Variants in CNOT1 observed in about 807,000 individuals in gnomAD.
The protein encoded by CNOT1 is CCR4-associated factor 1.
Under a neutral mutation model 273.8 loss-of-function variants are expected in CNOT1, and 15 were observed. The ratio of observed to expected loss-of-function variants is 0.05; its 90% CI spans 0.04 to 0.08. The LOEUF (loss-of-function observed/expected upper bound fraction) is 0.08, where lower values mean the gene tolerates loss of function less well. CNOT1 is among the 10% of genes least tolerant of loss of function. The pLI, the probability that CNOT1 is intolerant of heterozygous loss-of-function variation, is 1.00. For synonymous variants in CNOT1, 1,022 were observed against 1,005.5 expected, an observed-to-expected ratio of 1.02 and a Z score of -0.31; for missense variants, 1,644 against 2,912.2, an observed-to-expected ratio of 0.56 and a Z score of 10.02.
intron 3 of CNOT1, among the ~76,000 whole-genome samples, chr16:58,588,213 C>A (rs547268805): frequency 4.6e-5 from 7 of 152,008 alleles, no homozygotes; most frequent in African/African-American, 1.7e-4. Flanking sequence ...GCAGGAGAAT[C>A]GCTTGAACCC....
At chr16:58,578,385 T>A (rs1317313300) in intron 13 of CNOT1, among the ~76,000 whole-genome samples, 1 of 144,038 alleles carries the variant, frequency 6.9e-6, no homozygotes, top group Non-Finnish European at 1.5e-5. Context: ...ACCCAGGAGA[T>A]GGAGGTTGCA....
chr16:58,560,301 T>C lies in CNOT1; in HGVS notation c.2041A>G (p.Met681Val). 6.2e-7 allele frequency: 1 copy of C among 1,614,192 alleles called. No homozygotes were observed. Among genetic ancestry groups the C allele is most frequent in the Non-Finnish European group, 8.5e-7 (1 of 1,180,038 alleles). ...LTMVANCSNVMNKARQPPPGV... is the reference protein window; with the variant it reads ...LTMVANCSNVVNKARQPPPGV... ...GGTGGTGGTTGTCTGGCCTTATTCA[T>C]AACATTACTGCAATTGGCTACCATG... The change falls in exon 17 of 49, where the codon ATG becomes GTG. Residue 681 changes from methionine to valine, a missense_variant. Met to Val is a conservative substitution (Grantham distance 21). Around this residue, in one of 13 missense-constraint regions of CNOT1, gnomAD observed 706 missense variants for 1,021.2 expected, o/e 0.69. Transcript: ENST00000317147.
chr16:58,623,608 T>A (rs908716814), intron 1 of CNOT1, among the ~76,000 whole-genome samples: 2 of 152,202 alleles, frequency 1.3e-5, no homozygotes, highest in East Asian at 1.9e-4. Context: ...AGGCACAGTG[T>A]AGCCAGGGGA....
At chr16:58,556,727 A>T in intron 19 of CNOT1, 120 bp downstream of exon 19, 1 of 1,416,978 alleles carries the variant, frequency 7.1e-7, no homozygotes, top group Non-Finnish European at 9.2e-7. Flanking sequence ...CAAATTTGTG[A>T]ATTTATTCCC....
intron 8 of CNOT1, 26 bp downstream of exon 8, chr16:58,585,310 CAG>C (rs1337146622): frequency 3.0e-5 from 49 of 1,611,164 alleles, no homozygotes; most frequent in Non-Finnish European, 4.1e-5. Context: ...CAAGAATAAT[CAG>C]AAGCTTAACA....
chr16:58,532,585 G>A, intron 40 of CNOT1, 190 bp from the exon 41 acceptor site: 1 of 1,004,840 alleles, frequency 1.0e-6, no homozygotes. Flanking sequence ...TCAGTGTTTT[G>A]TGTGTTTCTT....
rs2042387280 is a variant in CNOT1 at position 58,599,455 on chromosome 16, TATA to T, written c.-121_-119del. The T allele has an allele frequency of 1.6e-6, 2 of 1,234,662 alleles. No homozygotes were observed. The highest frequency in any genetic ancestry group is 4.9e-5 in the East Asian group (2 of 40,508). The allele number at this position is 1,234,662 out of a possible 1,614,324, so 76.5% of individuals were successfully genotyped here. ...GTAATTAGGCTATATCTGGTATCTG[TATA>T]ATATCTTCAGTTCTTCTTTACCAGG... On this transcript the variant is annotated 5_prime_UTR_variant, in exon 2 of 49. Transcript: ENST00000317147.
chr16:58,532,625 A>G, intron 40 of CNOT1: 1 of 626,370 alleles, frequency 1.6e-6, no homozygotes, highest in Non-Finnish European at 2.5e-6. Flanking sequence ...ACCACACCTG[A>G]ATATTCTCCA....
intron 16 of CNOT1, among the ~76,000 whole-genome samples, chr16:58,573,348 C>T (rs1435598186): frequency 6.6e-6 from 1 of 151,562 alleles, no homozygotes; most frequent in Non-Finnish European, 1.5e-5. Flanking sequence ...AAATTAAAGA[C>T]CTAAATAAGT....
At position 58,546,333 on chromosome 16, in the gene CNOT1, T is replaced by A; in HGVS notation, c.3994A>T (p.Ile1332Phe). The change falls in exon 29 of 49, where the codon ATC (isoleucine) becomes TTC (phenylalanine). Residue 1332 changes from isoleucine (I) to phenylalanine (F), a missense_variant. Physicochemically the swap from Ile to Phe is conservative, Grantham distance 21. Transcript: ENST00000317147. Reference sequence around the variant, plus strand: ...TTAGCACACTTACTTGTGGTTGTGATGGGAGGGAGTTCTTCTGGCTGCTTG... The same window carrying A: ...TTAGCACACTTACTTGTGGTTGTGAAGGGAGGGAGTTCTTCTGGCTGCTTG... ...DVKQPEELPP[I>F]TTTTTSTTPA... 6.2e-7 allele frequency: 1 copy of A among 1,613,506 alleles called. No individual in the cohort carries two copies.
chr16:58,569,087 A>C (rs1007676438), intron 16 of CNOT1, among the ~76,000 whole-genome samples: 3 of 152,216 alleles, frequency 2.0e-5, no homozygotes, highest in African/African-American at 7.2e-5. Flanking sequence ...CTTACTAGAC[A>C]AGGAATTCAA....
intron 1 of CNOT1, among the ~76,000 whole-genome samples, chr16:58,627,109 T>A (rs2043615917): frequency 6.6e-6 from 1 of 151,812 alleles, no homozygotes; most frequent in Non-Finnish European, 1.5e-5. Context: ...TTCAAACTGG[T>A]TAAAAAGAAA....
At chr16:58,551,918 C>G in intron 22 of CNOT1, 99 bp from the exon 23 acceptor site, 2 of 1,491,972 alleles carry the variant, frequency 1.3e-6, no homozygotes, top group Non-Finnish European at 1.8e-6. Context: ...TCTGAGTGCT[C>G]TTTTGGTTCA....
At chr16:58,619,180 AAC>A (rs1476858516) in intron 1 of CNOT1, among the ~76,000 whole-genome samples, 2 of 152,104 alleles carry the variant, frequency 1.3e-5, no homozygotes, top group Admixed American at 6.6e-5. Context: ...CAGCCTGGGC[AAC>A]AGAGACCCTG....
intron 47 of CNOT1, 51 bp downstream of exon 47, chr16:58,523,319 G>GA (rs2039475418): frequency 6.7e-7 from 1 of 1,493,748 alleles, no homozygotes; most frequent in Non-Finnish European, 9.0e-7. Flanking sequence ...AAAAAAAGAT[G>GA]AAAGGGAGGA....
intron 1 of CNOT1, among the ~76,000 whole-genome samples, chr16:58,608,309 C>T (rs1376947735): frequency 6.6e-6 from 1 of 152,034 alleles, no homozygotes; most frequent in Non-Finnish European, 1.5e-5. Flanking sequence ...AATCCCAGTA[C>T]TATGGGAGAC....
chr16:58,534,542 G>T, intron 39 of CNOT1, 147 bp from the exon 40 acceptor site: 1 of 1,021,264 alleles, frequency 9.8e-7, no homozygotes, highest in Non-Finnish European at 1.4e-6. Context: ...TGTATTATCA[G>T]AATTATTTTC....
intron 1 of CNOT1, among the ~76,000 whole-genome samples, chr16:58,608,448 G>A (rs1228059760): frequency 1.3e-5 from 2 of 151,786 alleles, no homozygotes; most frequent in East Asian, 1.9e-4. Flanking sequence ...CCAGCTACTC[G>A]GGAAGCTGAG....
chr16:58,617,543 C>T (rs1214501303), intron 1 of CNOT1, among the ~76,000 whole-genome samples: 1 of 152,058 alleles, frequency 6.6e-6, no homozygotes, highest in Admixed American at 6.6e-5. Flanking sequence ...CAAGAATTTT[C>T]CAAAATCTGA....
Sources: gnomAD v4.1 joint callset for allele counts (sites outside exome capture counted in the v4.1 genomes callset) on GRCh38, gnomAD v4.1.1 for gene constraint, gnomAD v4.1.1 regional missense constraint, MANE v1.5 for transcripts, NCBI Gene and HGNC (gene_info 2026-07-23, HGNC 2026-07-21) for gene names.